The following DPP10 variants were observed in gnomAD, a reference collection of about 807,000 sequenced individuals.
The protein encoded by DPP10 is dipeptidyl peptidase like 10.
Under a neutral mutation model 120.9 loss-of-function variants are expected in DPP10, and 33 were observed. The observed-to-expected ratio is 0.27, with a 90% CI of 0.21 to 0.37. The LOEUF (loss-of-function observed/expected upper bound fraction) is 0.37, where lower values mean the gene tolerates loss of function less well. Ranked by LOEUF, DPP10 falls within the 10% of genes least tolerant of loss-of-function variation. The probability of loss-of-function intolerance (pLI) is 1.00; values close to 1 mark genes in which losing one functional copy is unlikely to be tolerated. For missense variants in DPP10, 816 were observed against 942.8 expected, an observed-to-expected ratio of 0.87 and a Z score of 1.76; for synonymous variants, 337 against 326.1, an observed-to-expected ratio of 1.03 and a Z score of -0.36.
chr2:115,372,721 A>G (rs1293220371), intron 3 of DPP10, among the ~76,000 whole-genome samples: 1 of 152,214 alleles, frequency 6.6e-6, no homozygotes, highest in Non-Finnish European at 1.5e-5. Context: ...ATAATCCATC[A>G]TATGAAGTAA....
At chr2:114,643,227 G>T (rs1039177520) in intron 1 of DPP10, among the ~76,000 whole-genome samples, 10 of 151,806 alleles carry the variant, frequency 6.6e-5, no homozygotes, top group African/African-American at 2.2e-4. Context: ...TCACTTCCTT[G>T]TCACCCTCAT....
chr2:114,743,944 C>T (rs942890960), intron 1 of DPP10, among the ~76,000 whole-genome samples: 5 of 151,948 alleles, frequency 3.3e-5, no homozygotes, highest in African/African-American at 1.2e-4. Flanking sequence ...AACTTTATTA[C>T]AAGATCGAAG....
chr2:115,530,425 A>T (rs935858766), intron 5 of DPP10, among the ~76,000 whole-genome samples: 3 of 152,108 alleles, frequency 2.0e-5, no homozygotes, highest in Non-Finnish European at 4.4e-5. Flanking sequence ...GAAGAATCAT[A>T]TGCTGGGCTT....
intron 1 of DPP10, among the ~76,000 whole-genome samples, chr2:115,083,067 T>C (rs945490502): frequency 6.6e-6 from 1 of 152,266 alleles, no homozygotes; most frequent in Non-Finnish European, 1.5e-5. Context: ...TCTTTTAGTG[T>C]CTATGACACT....
At chr2:115,376,094 T>C (rs2065773043) in intron 3 of DPP10, among the ~76,000 whole-genome samples, 1 of 152,160 alleles carries the variant, frequency 6.6e-6, no homozygotes. Context: ...CTTGCTAAAA[T>C]TGTCTTGGTG....
intron 1 of DPP10, among the ~76,000 whole-genome samples, chr2:114,800,312 G>T (rs746956340): frequency 1.3e-5 from 2 of 152,178 alleles, no homozygotes; most frequent in Non-Finnish European, 2.9e-5. Flanking sequence ...ATGAGGAAAA[G>T]AAAACTTAAT....
chr2:114,856,077 A>G (rs1689343877), intron 1 of DPP10, among the ~76,000 whole-genome samples: 1 of 152,210 alleles, frequency 6.6e-6, no homozygotes, highest in Non-Finnish European at 1.5e-5. Context: ...AAGAAGAAAA[A>G]TAAAGAGAGA....
chr2:114,980,426 C>T (rs977654776), intron 1 of DPP10, among the ~76,000 whole-genome samples: 1 of 151,958 alleles, frequency 6.6e-6, no homozygotes, highest in Non-Finnish European at 1.5e-5. Flanking sequence ...CCTATTGACA[C>T]TTTTTTAATA....
intron 1 of DPP10, among the ~76,000 whole-genome samples, chr2:114,537,898 C>T (rs552190961): frequency 2.3e-4 from 35 of 152,292 alleles, no homozygotes; most frequent in African/African-American, 7.7e-4. Flanking sequence ...GGAGAAAGCC[C>T]AAACCTCTCT....
At chr2:115,547,632 G>A (rs2079594649) in intron 5 of DPP10, among the ~76,000 whole-genome samples, 1 of 152,014 alleles carries the variant, frequency 6.6e-6, no homozygotes, top group African/African-American at 2.4e-5. Flanking sequence ...TGGGCATTGT[G>A]GTATGTTCCT....
chr2:114,834,263 A>G (rs201638697), intron 1 of DPP10, among the ~76,000 whole-genome samples: 75 of 105,454 alleles, frequency 7.1e-4, no homozygotes, highest in East Asian at 3.3e-3. Flanking sequence ...TATAAGACAT[A>G]TCTACACACC....
At chr2:114,877,982 C>T (rs1353337130) in intron 1 of DPP10, among the ~76,000 whole-genome samples, 2 of 151,942 alleles carry the variant, frequency 1.3e-5, no homozygotes, top group Non-Finnish European at 2.9e-5. Flanking sequence ...AGAAAGAAGG[C>T]TGCTGGGAAT....
chr2:114,615,628 C>A (rs950499567), intron 1 of DPP10, among the ~76,000 whole-genome samples: 4 of 152,128 alleles, frequency 2.6e-5, no homozygotes, highest in Admixed American at 6.6e-5. Flanking sequence ...GTAATGGGTT[C>A]TATTCCCTAC....
At chr2:115,252,047 G>A (rs2058776205) in intron 1 of DPP10, among the ~76,000 whole-genome samples, 2 of 152,148 alleles carry the variant, frequency 1.3e-5, no homozygotes, top group South Asian at 4.1e-4. Context: ...TATCAGTATG[G>A]TGCCCTTAAG....
intron 3 of DPP10, among the ~76,000 whole-genome samples, chr2:115,374,562 G>A (rs1453127143): frequency 1.3e-5 from 2 of 152,228 alleles, no homozygotes; most frequent in African/African-American, 4.8e-5. Flanking sequence ...GACTGTATGG[G>A]TGTTCCAGCC....
intron 1 of DPP10, among the ~76,000 whole-genome samples, chr2:115,274,600 A>G (rs943610649): frequency 1.3e-5 from 2 of 152,210 alleles, no homozygotes; most frequent in African/African-American, 2.4e-5. Flanking sequence ...TTCATTGACA[A>G]CTATCCATCA....
At chr2:114,853,518 C>T (rs957912190) in intron 1 of DPP10, among the ~76,000 whole-genome samples, 1 of 151,952 alleles carries the variant, frequency 6.6e-6, no homozygotes, top group Non-Finnish European at 1.5e-5. Context: ...TTTATAGATG[C>T]TGTGATGGTT....
chr2:114,958,463 T>G (rs537387289), intron 1 of DPP10, among the ~76,000 whole-genome samples: 53 of 152,340 alleles, frequency 3.5e-4, no homozygotes, highest in African/African-American at 1.2e-3. Flanking sequence ...AGTGATCTAC[T>G]GCACAGAATG....
chr2:115,766,517 C>G (rs1330263387), intron 12 of DPP10, among the ~76,000 whole-genome samples: 2 of 151,652 alleles, frequency 1.3e-5, no homozygotes, highest in Non-Finnish European at 2.9e-5. Flanking sequence ...ACCACAATTA[C>G]TTTTGCACCA....
Sources: gnomAD v4.1 joint callset for allele counts (sites outside exome capture counted in the v4.1 genomes callset) on GRCh38, gnomAD v4.1.1 for gene constraint, MANE v1.5 for transcripts, NCBI Gene and HGNC (gene_info 2026-07-23, HGNC 2026-07-21) for gene names.